The following ANKS1B variants were observed in gnomAD, a reference collection of about 807,000 sequenced individuals.
ANKS1B encodes ankyrin repeat and sterile alpha motif domain containing 1B.
ANKS1B carries 36 observed loss-of-function variants against 148.3 expected under a neutral mutation model. That is an observed-to-expected ratio of 0.24 (90% CI 0.19 to 0.32). The LOEUF is 0.32. Ranked by LOEUF, ANKS1B falls within the 10% of genes least tolerant of loss-of-function variation. The probability of loss-of-function intolerance (pLI) is 1.00; values close to 1 mark genes in which losing one functional copy is unlikely to be tolerated. For synonymous variants in ANKS1B, 542 were observed against 560.8 expected, an observed-to-expected ratio of 0.97 and a Z score of 0.47; for missense variants, 1,157 against 1,542.6, an observed-to-expected ratio of 0.75 and a Z score of 4.19.
At chr12:99,013,677 A>T (rs1023359339) in intron 17 of ANKS1B, among the ~76,000 whole-genome samples, 3 of 152,232 alleles carry the variant, frequency 2.0e-5, no homozygotes, top group African/African-American at 7.2e-5. Context: ...TCAGGATACG[A>T]AATCAATGTG....
At chr12:98,746,776 C>T (rs2097904098) in intron 26 of ANKS1B, among the ~76,000 whole-genome samples, 1 of 152,118 alleles carries the variant, frequency 6.6e-6, no homozygotes, top group Non-Finnish European at 1.5e-5. Context: ...AATGGACAGC[C>T]GAAGGACCAG....
chr12:99,440,912 C>T (rs893318863), intron 11 of ANKS1B, among the ~76,000 whole-genome samples: 7 of 151,746 alleles, frequency 4.6e-5, no homozygotes, highest in Admixed American at 3.3e-4. Context: ...AAAGTTCTGC[C>T]GTTACCTCAC....
rs1041404210 is a variant in ANKS1B at position 99,439,446 on chromosome 12, G to A, written c.1575+4227C>T. Among the ~76,000 whole-genome samples, 12 of 151,466 alleles carry A rather than the reference G, an allele frequency of 7.9e-5. 1 individual carries two copies. Among genetic ancestry groups the A allele is most frequent in the African/African-American group, 2.9e-4 (12 of 41,418 alleles). On this transcript the variant is annotated intron_variant, in intron 11 of 26. Coordinates refer to ENST00000683438, the MANE Select transcript of ANKS1B (RefSeq NM_001352186.2). The stretch of plus-strand genomic sequence containing the variant: ...GTGGGGTTACAGAAGAATTTATAAA[G>A]AATTACTACAAATAAACAATCACAA...
In ANKS1B at chr12:98,964,836, C is replaced by T. The variant is rs1243393166; in HGVS notation, c.2778+88321G>A. On this transcript the variant is annotated intron_variant, in intron 17 of 26. Coordinates refer to ENST00000683438, the MANE Select transcript of ANKS1B (RefSeq NM_001352186.2). ...GGGTATTGAGGGTGCGGGGAAGGGA[C>T]GGTGAGACAGTGGGGATGGTAAATA... 7.3e-5 allele frequency among the ~76,000 whole-genome samples: 11 copies of T among 151,258 alleles called. No individual in the cohort carries two copies. In the South Asian group the frequency reaches 2.1e-3, roughly 29 times the overall value.
chr12:99,288,526 C>T (rs918946936), intron 12 of ANKS1B, among the ~76,000 whole-genome samples: 2 of 152,118 alleles, frequency 1.3e-5, no homozygotes, highest in Non-Finnish European at 2.9e-5. Context: ...AATATTAGAA[C>T]ACTGTAACTG....
intron 4 of ANKS1B, among the ~76,000 whole-genome samples, chr12:99,803,003 T>C (rs1429643087): frequency 6.6e-6 from 1 of 152,040 alleles, no homozygotes; most frequent in African/African-American, 2.4e-5. Context: ...GTTTTAAAGA[T>C]TTATTCATAA....
intron 17 of ANKS1B, among the ~76,000 whole-genome samples, chr12:99,026,086 A>G (rs1207523190): frequency 2.0e-5 from 3 of 152,192 alleles, no homozygotes; most frequent in Admixed American, 2.0e-4. Flanking sequence ...ACCATATTAC[A>G]CTAGTTTAGT....
chr12:98,913,417 G>A (rs1318536628), intron 17 of ANKS1B, among the ~76,000 whole-genome samples: 2 of 151,836 alleles, frequency 1.3e-5, no homozygotes, highest in Non-Finnish European at 2.9e-5. Context: ...TCATACTCTC[G>A]ACCTCTAAAT....
chr12:99,262,988 T>C (rs1424548787), intron 12 of ANKS1B, among the ~76,000 whole-genome samples: 1 of 152,108 alleles, frequency 6.6e-6, no homozygotes, highest in Admixed American at 6.6e-5. Context: ...TAATAGCTAA[T>C]ATTACTGAGT....
At chr12:99,177,704 GGGCAATAAT>G (rs1318118322) in intron 14 of ANKS1B, among the ~76,000 whole-genome samples, 1 of 152,148 alleles carries the variant, frequency 6.6e-6, no homozygotes, top group Non-Finnish European at 1.5e-5. Flanking sequence ...TGTCTTCCTG[GGGCAATAAT>G]GGCAATAATG....
At chr12:99,328,121 A>C (rs1023635860) in intron 12 of ANKS1B, among the ~76,000 whole-genome samples, 4 of 152,062 alleles carry the variant, frequency 2.6e-5, no homozygotes, top group African/African-American at 9.7e-5. Flanking sequence ...ATAAAATGAT[A>C]ATTTGCAAGA....
chr12:99,030,466 TG>T (rs1555638719), intron 17 of ANKS1B, among the ~76,000 whole-genome samples: 4 of 148,020 alleles, frequency 2.7e-5, no homozygotes, highest in Non-Finnish European at 4.5e-5. Context: ...CCCCGTCTAA[TG>T]AAAAAGAAGT....
At chr12:98,903,085 T>C (rs1208605977) in intron 17 of ANKS1B, among the ~76,000 whole-genome samples, 1 of 152,168 alleles carries the variant, frequency 6.6e-6, no homozygotes, top group Non-Finnish European at 1.5e-5. Context: ...TCTCTAGGAA[T>C]GCACATTAAG....
Position 98,935,677 on chromosome 12 carries a change from G to T in ANKS1B, c.2779-103541C>A, listed in dbSNP as rs745395908. 8.5e-5 allele frequency among the ~76,000 whole-genome samples: 13 copies of T among 152,132 alleles called. 1 individual carries two copies. Among genetic ancestry groups the T allele is most frequent in the Admixed American group, 3.9e-4 (6 of 15,268 alleles). On this transcript the variant is annotated intron_variant, in intron 17 of 26. Coordinates refer to ENST00000683438, the MANE Select transcript of ANKS1B (RefSeq NM_001352186.2). Reference sequence around the variant, plus strand: ...TGAATGAATATTTATATCTCAAGAAGCTAGTGTTCTGTGAAAGTTTGTGAA... The same window carrying T: ...TGAATGAATATTTATATCTCAAGAATCTAGTGTTCTGTGAAAGTTTGTGAA...
At chr12:98,983,882 A>G (rs527378647) in intron 17 of ANKS1B, among the ~76,000 whole-genome samples, 11 of 152,322 alleles carry the variant, frequency 7.2e-5, no homozygotes, top group African/African-American at 2.6e-4. Flanking sequence ...TCACCCTCTG[A>G]GTCAACTTTC....
rs1012740271 is a variant in ANKS1B at position 99,984,670 on chromosome 12, G to C, written c.-433C>G. 1 of 153,156 alleles carries C rather than the reference G, an allele frequency of 6.5e-6. No individual in the cohort carries two copies. Among genetic ancestry groups the C allele is most frequent in the African/African-American group, 2.4e-5 (1 of 41,442 alleles). 9.5% of individuals were successfully genotyped at this position (153,156 alleles called of 1,614,324 possible). On this transcript the variant is annotated 5_prime_UTR_variant, in exon 1 of 27. Coordinates refer to ENST00000683438, the MANE Select transcript of ANKS1B (RefSeq NM_001352186.2). ...GGGAGCGCAGGGAACACCCGCGGTG[G>C]CAGCAGCGGCCCGCGCGCCCTCGCG... is the stretch of plus-strand genomic sequence containing the variant.
chr12:99,742,678 C>CA (rs991783360), intron 8 of ANKS1B, among the ~76,000 whole-genome samples: 200 of 147,700 alleles, frequency 1.4e-3, no homozygotes, highest in African/African-American at 4.2e-3. Context: ...ACTAAAAATA[C>CA]AAAAAAAAAA....
At chr12:98,877,790 T>A (rs1217356276) in intron 17 of ANKS1B, among the ~76,000 whole-genome samples, 1 of 152,220 alleles carries the variant, frequency 6.6e-6, no homozygotes, top group Non-Finnish European at 1.5e-5. Flanking sequence ...GTGGCAATAA[T>A]TCTTCTAATC....
At chr12:99,567,235 A>G (rs553388313) in intron 9 of ANKS1B, among the ~76,000 whole-genome samples, 1 of 152,260 alleles carries the variant, frequency 6.6e-6, no homozygotes, top group Admixed American at 6.5e-5. Context: ...AGTTTACAAA[A>G]TGATTCTTTG....
Sources: allele counts gnomAD v4.1 joint callset (sites outside exome capture counted in the v4.1 genomes callset), GRCh38; gene constraint gnomAD v4.1.1; transcripts MANE v1.5; gene names NCBI Gene and HGNC (gene_info 2026-07-23, HGNC 2026-07-21).